Variants in KCNH1 observed in about 807,000 individuals in gnomAD.
The protein encoded by KCNH1 is voltage-gated delayed rectifier potassium channel KCNH1.
A neutral mutation model predicts 69.2 loss-of-function variants in KCNH1; 27 were observed. That is an observed-to-expected ratio of 0.39 (90% confidence interval 0.29 to 0.54). KCNH1 has a LOEUF of 0.54. Among genes scored for constraint, KCNH1 ranks in the 20% least tolerant of loss-of-function variants. The pLI is 0.68. For synonymous variants in KCNH1, 456 were observed against 487.7 expected (o/e 0.93, Z 0.86); for missense variants, 798 against 1,261.6 (o/e 0.63, Z 5.57).
chr1:210,923,066 T>G (rs1574340945), intron 6 of KCNH1, among the ~76,000 whole-genome samples: 1 of 151,696 alleles, frequency 6.6e-6, no homozygotes, highest in Middle Eastern at 3.4e-3. Context: ...GAGAAGAGAT[T>G]AAAACGACAG....
chr1:210,960,888 G>A (rs935093819), intron 6 of KCNH1, among the ~76,000 whole-genome samples: 1 of 152,084 alleles, frequency 6.6e-6, no homozygotes. Context: ...GAGAGTTCTG[G>A]TTCCTCCATA....
chr1:210,802,827 G>C (rs541216964), intron 8 of KCNH1, among the ~76,000 whole-genome samples: 39 of 152,188 alleles, frequency 2.6e-4, no homozygotes, highest in African/African-American at 8.7e-4. Flanking sequence ...TGATGAATAG[G>C]GTTGCCTGGG....
chr1:210,826,244 A>G (rs1337434992), intron 7 of KCNH1, among the ~76,000 whole-genome samples: 1 of 152,068 alleles, frequency 6.6e-6, no homozygotes, highest in Non-Finnish European at 1.5e-5. Flanking sequence ...TCATTTTTTT[A>G]TTTAAGGATG....
intron 7 of KCNH1, among the ~76,000 whole-genome samples, chr1:210,815,549 C>T (rs1315547233): frequency 6.6e-6 from 1 of 152,168 alleles, no homozygotes. Flanking sequence ...CCACTTCTTA[C>T]TTAGCCCTTT....
At chr1:211,088,309 C>A (rs1181273535) in intron 4 of KCNH1, among the ~76,000 whole-genome samples, 2 of 152,128 alleles carry the variant, frequency 1.3e-5, no homozygotes, top group Non-Finnish European at 2.9e-5. Context: ...GTACTGAAAA[C>A]CCAGCTGGTC....
intron 10 of KCNH1, among the ~76,000 whole-genome samples, chr1:210,740,479 G>A (rs1682995015): frequency 6.6e-6 from 1 of 151,906 alleles, no homozygotes; most frequent in Admixed American, 6.6e-5. Flanking sequence ...TTGTTTCTGG[G>A]TTTGTTTTTC....
intron 6 of KCNH1, among the ~76,000 whole-genome samples, chr1:210,921,966 T>C (rs72757566): frequency 2.0e-5 from 3 of 152,166 alleles, no homozygotes; most frequent in Non-Finnish European, 2.9e-5. Flanking sequence ...CCCTCTGTCA[T>C]GTGAACACGT....
At chr1:210,991,603 CCACACACACACACA>C (rs67518284) in intron 6 of KCNH1, among the ~76,000 whole-genome samples, 3 of 148,306 alleles carry the variant, frequency 2.0e-5, no homozygotes, top group Non-Finnish European at 4.5e-5. Context: ...TCTGTTCTTG[CCACACACACACACA>C]CACACACACA....
intron 5 of KCNH1, among the ~76,000 whole-genome samples, chr1:211,038,330 C>A (rs4306193): frequency 0.55 from 82,960 of 151,848 alleles, 23,203 homozygotes; most frequent in African/African-American, 0.66. Flanking sequence ...AGCTATGTGG[C>A]ACTGTAAGTC....
At chr1:210,778,586 A>C (rs900012883) in intron 9 of KCNH1, among the ~76,000 whole-genome samples, 1 of 151,768 alleles carries the variant, frequency 6.6e-6, no homozygotes, top group African/African-American at 2.4e-5. Flanking sequence ...GCAGAACATC[A>C]CAAATCATCC....
chr1:210,998,659 G>T (rs1689103887), intron 6 of KCNH1, among the ~76,000 whole-genome samples: 1 of 152,138 alleles, frequency 6.6e-6, no homozygotes, highest in African/African-American at 2.4e-5. Flanking sequence ...GCCCCAAGCA[G>T]ACCTAATAGA....
intron 10 of KCNH1, among the ~76,000 whole-genome samples, chr1:210,758,087 C>A (rs1372445350): frequency 1.3e-5 from 2 of 152,224 alleles, no homozygotes; most frequent in Non-Finnish European, 2.9e-5. Flanking sequence ...CTCAAGAAGA[C>A]CACACTCCCC....
At chr1:211,041,326 C>T (rs1444643335) in intron 5 of KCNH1, among the ~76,000 whole-genome samples, 2 of 152,204 alleles carry the variant, frequency 1.3e-5, no homozygotes, top group Admixed American at 1.3e-4. Flanking sequence ...TTTCCTAATG[C>T]CACTCTCTCT....
chr1:210,926,411 G>A (rs1687575287), intron 6 of KCNH1, among the ~76,000 whole-genome samples: 1 of 152,160 alleles, frequency 6.6e-6, no homozygotes, highest in South Asian at 2.1e-4. Flanking sequence ...ACACTCCCCA[G>A]TATGATCCGG....
intron 8 of KCNH1, among the ~76,000 whole-genome samples, chr1:210,802,910 CTTAAA>C (rs1316209612): frequency 2.0e-5 from 3 of 151,884 alleles, no homozygotes; most frequent in Non-Finnish European, 4.4e-5. Flanking sequence ...TACCCCAGAA[CTTAAA>C]TTAAAACAAA....
At chr1:210,862,786 C>A (rs1242053022) in intron 7 of KCNH1, among the ~76,000 whole-genome samples, 1 of 152,186 alleles carries the variant, frequency 6.6e-6, no homozygotes, top group African/African-American at 2.4e-5. Flanking sequence ...GTGGAAAGGG[C>A]AACATTAGAG....
intron 7 of KCNH1, among the ~76,000 whole-genome samples, chr1:210,823,247 A>C (rs1684966354): frequency 6.6e-6 from 1 of 152,206 alleles, no homozygotes; most frequent in Non-Finnish European, 1.5e-5. Flanking sequence ...TCTGAGTGAA[A>C]AAAAAACAAC....
At chr1:210,924,253 A>G (rs553119224) in intron 6 of KCNH1, among the ~76,000 whole-genome samples, 2 of 152,366 alleles carry the variant, frequency 1.3e-5, no homozygotes, top group East Asian at 3.9e-4. Context: ...AACATGCTAC[A>G]TCAGCCCTAG....
chr1:210,684,731 C>T (rs1412051359), intron 10 of KCNH1, among the ~76,000 whole-genome samples: 1 of 152,218 alleles, frequency 6.6e-6, no homozygotes, highest in Non-Finnish European at 1.5e-5. Context: ...GTCATTCTCA[C>T]ACGGAAGTCC....
Sources: gnomAD v4.1 joint callset for allele counts (sites outside exome capture counted in the v4.1 genomes callset) on GRCh38, gnomAD v4.1.1 for gene constraint, MANE v1.5 for transcripts, NCBI Gene and HGNC (gene_info 2026-07-23, HGNC 2026-07-21) for gene names.